TANGO6: variants seen among roughly 807,000 people sequenced by gnomAD.
The protein encoded by TANGO6 is transport and Golgi organization protein 6 homolog.
TANGO6 carries 90 observed loss-of-function variants against 114.2 expected under a neutral mutation model. That is an observed-to-expected ratio of 0.79 (90% CI 0.66 to 0.94). The LOEUF is 0.94. Among genes scored for constraint, TANGO6 ranks in the 40% least tolerant of loss-of-function variants. TANGO6 has a pLI of 0.00. For missense variants in TANGO6, 1,274 were observed against 1,315.3 expected (o/e 0.97, Z 0.49); for synonymous variants, 477 against 509.8 (o/e 0.94, Z 0.87).
intron 15 of TANGO6, among the ~76,000 whole-genome samples, chr16:68,979,069 G>A (rs769140350): frequency 2.0e-5 from 3 of 151,428 alleles, no homozygotes; most frequent in Middle Eastern, 3.2e-3. Flanking sequence ...ACAGGTGTGC[G>A]CCACCATACC....
At chr16:69,080,725 A>G (rs1288603196) in intron 17 of TANGO6, among the ~76,000 whole-genome samples, 4 of 152,190 alleles carry the variant, frequency 2.6e-5, no homozygotes, top group Non-Finnish European at 5.9e-5. Flanking sequence ...TATCTTTTCA[A>G]TAAAAATAAA....
At chr16:68,971,349 C>T (rs560980291) in intron 14 of TANGO6, among the ~76,000 whole-genome samples, 70 of 152,186 alleles carry the variant, frequency 4.6e-4, no homozygotes, top group Middle Eastern at 6.8e-3. Flanking sequence ...TAGCTTACTG[C>T]GGCCTAGAAC....
At chr16:68,968,246 A>G (rs1963664681) in intron 14 of TANGO6, among the ~76,000 whole-genome samples, 1 of 151,666 alleles carries the variant, frequency 6.6e-6, no homozygotes, top group African/African-American at 2.4e-5. Context: ...TTGTATTTTT[A>G]GTAGAGACAG....
At chr16:69,045,623 A>T (rs891276354) in intron 17 of TANGO6, among the ~76,000 whole-genome samples, 36 of 144,126 alleles carry the variant, frequency 2.5e-4, no homozygotes, top group Non-Finnish European at 6.0e-5. Context: ...GGCGCCTGTA[A>T]TCCCAGCTAC....
At position 69,056,854 on chromosome 16, in the gene TANGO6, G is replaced by C. The variant is rs937856730; in HGVS notation, c.3108+16433G>C. On this transcript the variant is annotated intron_variant, in intron 17 of 17. Coordinates refer to ENST00000261778, the MANE Select transcript of TANGO6 (RefSeq NM_024562.2). ...GCCACCACGCCCAACTAATTTTTTT[G>C]TATTTTTTGTAGAGACGGGGTTTCA... 3.3e-5 allele frequency among the ~76,000 whole-genome samples: 5 copies of C among 152,066 alleles called. No individual in the cohort carries two copies. In the South Asian group the frequency reaches 1.0e-3, roughly 32 times the overall value.
chr16:68,990,513 A>C (rs1963937585), intron 15 of TANGO6, among the ~76,000 whole-genome samples: 1 of 152,198 alleles, frequency 6.6e-6, no homozygotes, highest in Middle Eastern at 3.2e-3. Context: ...GAATTATGGG[A>C]GCTACAACTC....
intron 17 of TANGO6, among the ~76,000 whole-genome samples, chr16:69,062,067 A>G (rs72789217): frequency 0.088 from 13,389 of 152,272 alleles, 665 homozygotes; most frequent in South Asian, 0.18. Context: ...GACTTTCTCT[A>G]TCTTCAGACT....
At chr16:68,877,294 C>T (rs1179869465) in intron 5 of TANGO6, among the ~76,000 whole-genome samples, 1 of 151,812 alleles carries the variant, frequency 6.6e-6, no homozygotes, top group Non-Finnish European at 1.5e-5. Flanking sequence ...ATAGTGAAAC[C>T]CCGTCTCTAC....
intron 9 of TANGO6, among the ~76,000 whole-genome samples, chr16:68,904,958 C>G (rs1962830606): frequency 6.6e-6 from 1 of 152,144 alleles, no homozygotes; most frequent in South Asian, 2.1e-4. Context: ...CGCAGTGGCT[C>G]ATGCCTGTAA....
chr16:69,064,623 C>G (rs1338899245), intron 17 of TANGO6, among the ~76,000 whole-genome samples: 1 of 152,206 alleles, frequency 6.6e-6, no homozygotes, highest in Non-Finnish European at 1.5e-5. Flanking sequence ...ATATGAAAAA[C>G]AAAGTTTGTG....
At chr16:69,004,355 CTTTT>C (rs796509463) in intron 15 of TANGO6, among the ~76,000 whole-genome samples, 1 of 144,714 alleles carries the variant, frequency 6.9e-6, no homozygotes, top group African/African-American at 2.5e-5. Flanking sequence ...TATTTCTTTT[CTTTT>C]TTTTTTTTGT....
At chr16:68,922,866 G>A (rs1425266377) in intron 12 of TANGO6, among the ~76,000 whole-genome samples, 1 of 150,818 alleles carries the variant, frequency 6.6e-6, no homozygotes, top group Non-Finnish European at 1.5e-5. Context: ...ATTATTGGGA[G>A]AGAAAAGGTG....
chr16:69,001,206 G>A (rs1335274003), intron 15 of TANGO6, among the ~76,000 whole-genome samples: 1 of 152,166 alleles, frequency 6.6e-6, no homozygotes, highest in Admixed American at 6.6e-5. Flanking sequence ...CAGTTAGGGG[G>A]AAATGGCTCA....
chr16:69,027,942 G>A (rs1031209628), intron 16 of TANGO6, among the ~76,000 whole-genome samples: 4 of 151,804 alleles, frequency 2.6e-5, no homozygotes, highest in Admixed American at 6.6e-5. Context: ...CACCACACCC[G>A]ACTAATATTT....
intron 6 of TANGO6, among the ~76,000 whole-genome samples, chr16:68,879,073 C>T (rs144863849): frequency 6.6e-6 from 1 of 151,864 alleles, no homozygotes; most frequent in East Asian, 1.9e-4. Flanking sequence ...GCAACCCTTG[C>T]TCAAAATAAT....
intron 17 of TANGO6, among the ~76,000 whole-genome samples, chr16:69,057,723 G>A (rs1017526731): frequency 7.2e-5 from 11 of 152,150 alleles, no homozygotes; most frequent in South Asian, 2.1e-4. Flanking sequence ...TCCCTTTGGC[G>A]TATTTACTGC....
intron 13 of TANGO6, 82 bp from the exon 14 acceptor site, chr16:68,930,156 C>A: frequency 8.2e-7 from 1 of 1,226,336 alleles, no homozygotes; most frequent in South Asian, 1.3e-5. Flanking sequence ...AGCATTTACT[C>A]CTTTGAGCTG....
intron 7 of TANGO6, among the ~76,000 whole-genome samples, chr16:68,892,841 C>T (rs1413202432): frequency 2.0e-5 from 3 of 152,078 alleles, no homozygotes; most frequent in Admixed American, 1.3e-4. Flanking sequence ...TCCAGGCATC[C>T]TTTCACTTAA....
intron 15 of TANGO6, among the ~76,000 whole-genome samples, chr16:68,980,534 G>C (rs1252465462): frequency 6.7e-6 from 1 of 149,162 alleles, no homozygotes; most frequent in Non-Finnish European, 1.5e-5. Context: ...CCCATGATTA[G>C]CTGGGATTAT....
Sources: allele counts gnomAD v4.1 joint callset (sites outside exome capture counted in the v4.1 genomes callset), GRCh38; gene constraint gnomAD v4.1.1; transcripts MANE v1.5; gene names NCBI Gene and HGNC (gene_info 2026-07-23, HGNC 2026-07-21).